The following IL1RAPL2 variants were observed in gnomAD, a reference collection of about 807,000 sequenced individuals.
The protein encoded by IL1RAPL2 is X-linked interleukin-1 receptor accessory protein-like 2.
In IL1RAPL2, 3 loss-of-function variants were observed where a neutral mutation model predicts 44.1. The ratio of observed to expected loss-of-function variants is 0.07; its 90% CI spans 0.03 to 0.18. The LOEUF (loss-of-function observed/expected upper bound fraction) is 0.18. IL1RAPL2 is among the 10% of genes least tolerant of loss of function. The probability of loss-of-function intolerance (pLI) is 1.00; values close to 1 mark genes in which losing one functional copy is unlikely to be tolerated. For synonymous variants in IL1RAPL2, 181 were observed against 178.8 expected, an observed-to-expected ratio of 1.01 and a Z score of -0.10; for missense variants, 391 against 496.4, an observed-to-expected ratio of 0.79 and a Z score of 2.02.
intron 2 of IL1RAPL2, among the ~76,000 whole-genome samples, chrX:105,045,134 A>G (rs192407406): frequency 9.0e-6 from 1 of 111,417 alleles, no homozygotes; most frequent in East Asian, 2.9e-4. Context: ...AGCAACTGAA[A>G]AAAATGAGCC....
At chrX:105,717,530 G>C in intron 7 of IL1RAPL2, 34 bp downstream of exon 7, 1 of 1,154,533 alleles carries the variant, frequency 8.7e-7, no homozygotes, top group Non-Finnish European at 1.2e-6. Flanking sequence ...TTTCTTTGCT[G>C]TCTTACGGGA....
At chrX:104,786,840 A>C (rs966355881) in intron 2 of IL1RAPL2, among the ~76,000 whole-genome samples, 2 of 110,260 alleles carry the variant, frequency 1.8e-5, no homozygotes, top group Non-Finnish European at 3.8e-5. Flanking sequence ...AACTTAACCC[A>C]GACCATGAAG....
intron 6 of IL1RAPL2, among the ~76,000 whole-genome samples, chrX:105,648,983 G>T (rs765983835): frequency 1.8e-5 from 2 of 111,313 alleles, no homozygotes; most frequent in Non-Finnish European, 3.8e-5. Context: ...GCTATTTAAA[G>T]CTGGGGTTAA....
intron 6 of IL1RAPL2, among the ~76,000 whole-genome samples, chrX:105,687,466 T>C (rs755615650): frequency 3.3e-4 from 37 of 111,366 alleles, no homozygotes; most frequent in South Asian, 1.9e-3. Flanking sequence ...GCAAATAAAC[T>C]AGAAAATCTA....
chrX:104,720,238 G>A (rs1299666210), intron 2 of IL1RAPL2, among the ~76,000 whole-genome samples: 4 of 111,388 alleles, frequency 3.6e-5, no homozygotes, highest in Admixed American at 1.9e-4. Context: ...GAAGCAAATC[G>A]ACATTGTTGG....
chrX:105,019,347 C>T (rs935132599), intron 2 of IL1RAPL2, among the ~76,000 whole-genome samples: 1 of 111,375 alleles, frequency 9.0e-6, no homozygotes, highest in African/African-American at 3.3e-5. Flanking sequence ...GAAAAAGCTA[C>T]AAAAATTGAA....
intron 2 of IL1RAPL2, among the ~76,000 whole-genome samples, chrX:104,762,897 G>T (rs182139247): frequency 1.2e-3 from 137 of 112,050 alleles, no homozygotes; most frequent in African/African-American, 4.2e-3. Flanking sequence ...CTAGGCCTCT[G>T]GGCCTGTGAT....
intron 5 of IL1RAPL2, among the ~76,000 whole-genome samples, chrX:105,272,318 T>C (rs145910895): frequency 7.0e-4 from 78 of 111,938 alleles, no homozygotes; most frequent in African/African-American, 2.3e-3. Context: ...ACATTACTTA[T>C]AGGGATTCTT....
rs200342670 is a variant in IL1RAPL2, at chrX:105,286,619, T to TAA, written c.697+19084_697+19085dup. 4.7e-4 allele frequency among the ~76,000 whole-genome samples: 50 copies of TAA among 106,358 alleles called. 1 individual carries two copies. The highest frequency in any genetic ancestry group is 1.6e-3 in the African/African-American group (47 of 28,556). The allele number at this position is 106,358 out of a possible 115,157, so 92.4% of individuals were successfully genotyped here. On this transcript the variant is annotated intron_variant, in intron 5 of 10. Coordinates refer to ENST00000372582, the MANE Select transcript of IL1RAPL2 (RefSeq NM_017416.2). Reference sequence around the variant, plus strand: ...AGAACAAAACAGCCTTTTTTTTTTTTAAAAAAACAACTTCTATTAACACAT... The same window carrying TAA: ...AGAACAAAACAGCCTTTTTTTTTTTTAAAAAAAAACAACTTCTATTAACACAT...
intron 9 of IL1RAPL2, 117 bp from the exon 10 acceptor site, chrX:105,755,060 A>G (rs1022244206): frequency 4.3e-4 from 197 of 454,510 alleles, no homozygotes; most frequent in Non-Finnish European, 6.5e-4. Flanking sequence ...ATGGCATGTG[A>G]CTTATTTTTT....
intron 2 of IL1RAPL2, among the ~76,000 whole-genome samples, chrX:105,041,852 G>C (rs1304199102): frequency 2.6e-4 from 29 of 110,761 alleles, no homozygotes; most frequent in South Asian, 2.3e-3. Flanking sequence ...GTAACCAAAA[G>C]AGCATGGTAC....
intron 5 of IL1RAPL2, among the ~76,000 whole-genome samples, chrX:105,399,173 A>C (rs772413168): frequency 1.8e-5 from 2 of 111,709 alleles, no homozygotes; most frequent in East Asian, 5.6e-4. Context: ...TATCATCCTC[A>C]TAATTTGTCT....
intron 2 of IL1RAPL2, among the ~76,000 whole-genome samples, chrX:104,677,347 T>C (rs1930789368): frequency 9.1e-6 from 1 of 109,751 alleles, no homozygotes; most frequent in Non-Finnish European, 1.9e-5. Context: ...TCTGTTGGAA[T>C]ACCCTGCCGT....
chrX:105,328,419 A>G (rs762417547), intron 5 of IL1RAPL2, among the ~76,000 whole-genome samples: 16 of 111,868 alleles, frequency 1.4e-4, no homozygotes, highest in East Asian at 2.8e-4. Flanking sequence ...CCATCCCAGT[A>G]TATTTGCCTG....
intron 2 of IL1RAPL2, among the ~76,000 whole-genome samples, chrX:104,826,818 G>T (rs993187025): frequency 9.1e-6 from 1 of 110,319 alleles, no homozygotes; most frequent in African/African-American, 3.3e-5. Flanking sequence ...TATATATTTA[G>T]GATGGTTAGC....
In IL1RAPL2 at chrX:105,170,823, G is replaced by A. The variant is rs780725974; in HGVS notation, c.83-24652G>A. 4.5e-5 allele frequency among the ~76,000 whole-genome samples: 5 copies of A among 112,183 alleles called. No individual in the cohort carries two copies. The East Asian group carries it at 8.5e-4, about 19-fold the overall frequency. ...AAGAACTAGACTTCATGAGGATTTC[G>A]ATGAAGCCCTGCTTCTTTCATTTTT... On this transcript the variant is annotated intron_variant, in intron 2 of 10. Coordinates refer to ENST00000372582, the MANE Select transcript of IL1RAPL2 (RefSeq NM_017416.2).
chrX:104,919,461 G>T (rs1200975801), intron 2 of IL1RAPL2, among the ~76,000 whole-genome samples: 1 of 108,314 alleles, frequency 9.2e-6, no homozygotes, highest in African/African-American at 3.4e-5. Flanking sequence ...CTGACCTCAG[G>T]TGATCTGCCT....
At chrX:104,603,537 A>G (rs1485340343) in intron 1 of IL1RAPL2, among the ~76,000 whole-genome samples, 1 of 111,863 alleles carries the variant, frequency 8.9e-6, no homozygotes, top group Non-Finnish European at 1.9e-5. Context: ...AACCCAATGC[A>G]AGGAAGTTAA....
chrX:104,670,712 C>T (rs757086554), intron 2 of IL1RAPL2, among the ~76,000 whole-genome samples: 7 of 111,178 alleles, frequency 6.3e-5, no homozygotes, highest in Non-Finnish European at 1.1e-4. Context: ...AGGTAGTGAG[C>T]GTAGTACCTA....
Sources: allele counts gnomAD v4.1 joint callset (sites outside exome capture counted in the v4.1 genomes callset), GRCh38; gene constraint gnomAD v4.1.1; transcripts MANE v1.5; gene names NCBI Gene and HGNC (gene_info 2026-07-23, HGNC 2026-07-21).